OR10D3: variants seen among roughly 807,000 people sequenced by gnomAD.
OR10D3 encodes olfactory receptor 10D3.
For synonymous variants in OR10D3, 100 were observed against 57.6 expected (o/e 1.74, Z -3.33); for missense variants, 286 against 153.7 (o/e 1.86, Z -4.55).
At chr11:124,186,253 T>C in exon 2 of OR10D3, 1 of 634,602 alleles carries the variant, frequency 1.6e-6, no homozygotes, top group East Asian at 2.7e-5. Flanking sequence ...TCCTTTTGCT[T>C]TGACCTAAGA....
rs1457411848 is a variant in OR10D3 at position 124,185,469 on chromosome 11, CT to C, written c.201del (p.Val68CysfsTer9). On this transcript the variant is annotated frameshift_variant, in exon 2 of 2. Coordinates refer to ENST00000641351, the Ensembl canonical transcript of OR10D3. LOFTEE classifies it low-confidence loss of function (END_TRUNC). ...ATGTATTTCTTCCTGGGAAACTTGTCTGTGTTTGACATGGGTTTCTCCTCAG... is the reference window on the plus strand; with the variant it reads ...ATGTATTTCTTCCTGGGAAACTTGTCGTGTTTGACATGGGTTTCTCCTCAG... 2.8e-6 allele frequency: 2 copies of C among 702,980 alleles called. No homozygotes were observed. The highest frequency in any genetic ancestry group is 3.5e-5 in the African/African-American group (2 of 57,220). 43.5% of individuals were successfully genotyped at this position (702,980 alleles called of 1,614,324 possible). A position where few individuals can be genotyped will look rare whatever the true frequency, so the allele number is the denominator to read the frequency against.
chr11:124,185,674 C>G lies in OR10D3; in HGVS notation c.405C>G (p.Ile135Met), dbSNP rs572038684. The change falls in exon 2 of 2, where the codon ATC becomes ATG. Residue 135 changes from isoleucine to methionine, a missense_variant. Ile to Met is a conservative substitution (Grantham distance 10). Transcript: ENST00000641351. ...GTTATCCTCTGCGATACACAGTCAT[C>G]ATGAACCCAAGGATCTGTGTGGCCC... is the stretch of plus-strand genomic sequence containing the variant. The G allele has an allele frequency of 2.8e-5, 20 of 703,762 alleles. No homozygotes were observed. The African/African-American group carries it at 3.3e-4, about 12-fold the overall frequency. 43.6% of individuals were successfully genotyped at this position (703,762 alleles called of 1,614,324 possible). A position where few individuals can be genotyped will look rare whatever the true frequency, so the allele number is the denominator to read the frequency against.
At chr11:124,185,493 C>T (rs775383266) in exon 2 of OR10D3, 19 of 703,168 alleles carry the variant, frequency 2.7e-5, no homozygotes, top group Admixed American at 8.0e-5. Context: ...GGTTTCTCCT[C>T]AGTGACTTGT....
At chr11:124,187,861 C>G (rs942473499) in exon 2 of OR10D3, 18 of 152,190 alleles carry the variant, frequency 1.2e-4, no homozygotes, top group African/African-American at 4.3e-4. Flanking sequence ...ATTTAATCCT[C>G]AAAACAATCT....
At chr11:124,184,670 C>A (rs1474356266) in intron 1 of OR10D3, among the ~76,000 whole-genome samples, 2 of 152,166 alleles carry the variant, frequency 1.3e-5, no homozygotes, top group Non-Finnish European at 2.9e-5. Context: ...AGTCACCTAG[C>A]CTTCCTACTG....
At chr11:124,185,181 A>G in intron 1 of OR10D3, 78 bp from the exon 2 acceptor site, 2 of 607,250 alleles carry the variant, frequency 3.3e-6, no homozygotes, top group Admixed American at 2.9e-5. Flanking sequence ...GACAAGTTTT[A>G]TTTCTCCAGT....
chr11:124,187,688 T>G (rs961403039), exon 2 of OR10D3: 1 of 152,208 alleles, frequency 6.6e-6, no homozygotes, highest in African/African-American at 2.4e-5. Context: ...CCTGCCAGAA[T>G]TCTCTGTATC....
exon 2 of OR10D3, chr11:124,186,273 C>A: frequency 1.6e-6 from 1 of 625,716 alleles, no homozygotes; most frequent in Non-Finnish European, 2.9e-6. Flanking sequence ...AAATTTCATT[C>A]TGGAATCTTC....
chr11:124,187,927 A>G (rs951922113), exon 2 of OR10D3: 1 of 152,214 alleles, frequency 6.6e-6, no homozygotes, highest in Non-Finnish European at 1.5e-5. Context: ...ATATGAATGC[A>G]AGGCTTTTAC....
rs771151066 is a variant in OR10D3, at chr11:124,187,806, G to A, written c.*1598G>A. On this transcript the variant is annotated 3_prime_UTR_variant, in exon 2 of 2. Coordinates refer to ENST00000641351, the Ensembl canonical transcript of OR10D3. ...TGAAGATTATCTTTTATAGAGCCCT[G>A]ATTATTTGTCAGATATTATCATAAA... 7.9e-5 allele frequency: 12 copies of A among 152,212 alleles called. No individual in the cohort carries two copies. The South Asian group carries it at 2.1e-3, about 26-fold the overall frequency. 9.4% of individuals were successfully genotyped at this position (152,212 alleles called of 1,614,324 possible).
At chr11:124,184,260 A>G (rs1325697864) in intron 1 of OR10D3, 2 of 152,246 alleles carry the variant, frequency 1.3e-5, no homozygotes, top group African/African-American at 4.8e-5. Context: ...CACAAGAGGA[A>G]TGATATCCAA....
chr11:124,188,527 C>A (rs1430008749), exon 2 of OR10D3: 1 of 152,216 alleles, frequency 6.6e-6, no homozygotes, highest in African/African-American at 2.4e-5. Flanking sequence ...TGATTTCTCA[C>A]CCGATCTGGG....
chr11:124,187,589 G>A (rs1285579819), exon 2 of OR10D3: 2 of 152,170 alleles, frequency 1.3e-5, no homozygotes, highest in Non-Finnish European at 2.9e-5. Flanking sequence ...CCAATCCACT[G>A]TGATGTAACA....
chr11:124,185,418 T>C (rs553746057), exon 2 of OR10D3: 39 of 703,056 alleles, frequency 5.5e-5, no homozygotes, highest in Non-Finnish European at 8.1e-5. Flanking sequence ...GTTGCTGTTA[T>C]GTCTTCTGCT....
Position 124,185,819 on chromosome 11 carries a change from C to T in OR10D3, c.550C>T (p.Leu184=), listed in dbSNP as rs189332683. The T allele has an allele frequency of 2.0e-3, 1,399 of 703,738 alleles. 7 individuals are homozygous for T. Among genetic ancestry groups the T allele is most frequent in the Non-Finnish European group, 2.0e-3 (784 of 385,200 alleles). 43.6% of individuals were successfully genotyped at this position (703,738 alleles called of 1,614,324 possible). A position where few individuals can be genotyped will look rare whatever the true frequency, so the allele number is the denominator to read the frequency against. The change falls in exon 2 of 2, where the codon CTG becomes TTG. Residue 184 remains leucine (L), a synonymous_variant. Transcript: ENST00000641351. ...TCACTTCTTCTGTGACATTCCAGCA[C>T]TGTTGCCCTTGGCCTGTGCTGACAC...
chr11:124,188,250 A>G (rs1183105855), exon 2 of OR10D3: 1 of 152,334 alleles, frequency 6.6e-6, no homozygotes, highest in African/African-American at 2.4e-5. Flanking sequence ...AAGAAGGGCC[A>G]CACAGGAATC....
exon 2 of OR10D3, chr11:124,186,500 AT>A (rs57201296): frequency 9.6e-3 from 1,443 of 150,244 alleles, no homozygotes; most frequent in Middle Eastern, 0.018. Flanking sequence ...CCATCCTGCC[AT>A]TTTTTTTTTT....
chr11:124,185,386 A>C (rs1171373614), exon 2 of OR10D3: 2 of 702,998 alleles, frequency 2.8e-6, no homozygotes, highest in African/African-American at 1.7e-5. Flanking sequence ...CCTGCACTCT[A>C]CTGGGAAATG....
At chr11:124,185,214 G>A in intron 1 of OR10D3, 45 bp from the exon 2 acceptor site, 2 of 647,810 alleles carry the variant, frequency 3.1e-6, no homozygotes, top group Non-Finnish European at 5.6e-6. Context: ...TTGACAGCAA[G>A]CCAAGGCATT....
Sources: allele counts gnomAD v4.1 joint callset (sites outside exome capture counted in the v4.1 genomes callset), GRCh38; gene constraint gnomAD v4.1.1; transcripts MANE v1.5; gene names NCBI Gene and HGNC (gene_info 2026-07-23, HGNC 2026-07-21).